The following LRP2 variants were observed in gnomAD, a reference collection of about 807,000 sequenced individuals.
LRP2 encodes LDL receptor related protein 2.
LRP2 carries 172 observed loss-of-function variants against 531.0 expected under a neutral mutation model. The observed-to-expected ratio is 0.32, with a 90% CI of 0.29 to 0.37. LRP2 has a LOEUF of 0.37. LRP2 is among the 10% of genes least tolerant of loss of function. The pLI is 1.00. For synonymous variants in LRP2, 1,992 were observed against 2,027.6 expected, an observed-to-expected ratio of 0.98 and a Z score of 0.47; for missense variants, 5,167 against 5,868.3, an observed-to-expected ratio of 0.88 and a Z score of 3.90.
At chr2:169,333,913 C>T (rs1000068269) in intron 1 of LRP2, among the ~76,000 whole-genome samples, 8 of 152,146 alleles carry the variant, frequency 5.3e-5, no homozygotes, top group Non-Finnish European at 7.3e-5. Context: ...TATCACTTCA[C>T]GTTATAATGT....
intron 38 of LRP2, 113 bp from the exon 39 acceptor site, chr2:169,207,363 G>T: frequency 1.3e-6 from 1 of 767,906 alleles, no homozygotes; most frequent in Non-Finnish European, 2.2e-6. Context: ...GTCACTATAT[G>T]TTGTCTTTTC....
chr2:169,143,043 A>C (rs191356175), intron 70 of LRP2, among the ~76,000 whole-genome samples: 1 of 152,068 alleles, frequency 6.6e-6, no homozygotes, highest in African/African-American at 2.4e-5. Flanking sequence ...GGCATCACTT[A>C]TCTTCTCTGC....
In LRP2 at chr2:169,173,985, G is replaced by T. The variant is rs766032786; in HGVS notation, c.10948C>A (p.Gln3650Lys). The T allele has an allele frequency of 1.3e-5, 21 of 1,614,076 alleles. No homozygotes were observed. The East Asian group carries it at 4.0e-4, about 31-fold the overall frequency. ...TTATCCACATCACACTTCCAGGCCT[G>T]CGGGATGCAGCGGCCATTAGCACAC... is the stretch of plus-strand genomic sequence containing the variant. Reference protein sequence around the residue: ...FRCANGRCIPQAWKCDVDNDC... With the variant: ...FRCANGRCIPKAWKCDVDNDC... Residue 3650 changes from glutamine (Q) to lysine (K), a missense_variant, in exon 56 of 79, where the codon CAG becomes AAG. Gln to Lys is a moderately conservative substitution (Grantham distance 53). This residue lies in a region of LRP2 where 311 missense variants were observed against 309.4 expected (regional missense o/e 1.01). Transcript: ENST00000649046.
intron 3 of LRP2, among the ~76,000 whole-genome samples, chr2:169,311,852 T>A (rs1684607164): frequency 6.6e-6 from 1 of 152,154 alleles, no homozygotes; most frequent in Non-Finnish European, 1.5e-5. Flanking sequence ...TTTGTAGGTC[T>A]CTAAGGACTT....
intron 50 of LRP2, chr2:169,182,746 T>G (rs1687488907): frequency 2.6e-6 from 1 of 389,500 alleles, no homozygotes; most frequent in South Asian, 1.1e-4. Context: ...AGAGAAACTC[T>G]GAATTATGAC....
intron 68 of LRP2, 105 bp downstream of exon 68, chr2:169,150,793 G>T (rs1322302349): frequency 7.0e-6 from 10 of 1,425,116 alleles, no homozygotes; most frequent in Admixed American, 5.4e-5. Context: ...AAAACTTGAA[G>T]GACAATTTCA....
chr2:169,293,154 G>A (rs1684043591), intron 6 of LRP2, among the ~76,000 whole-genome samples: 1 of 152,198 alleles, frequency 6.6e-6, no homozygotes, highest in Admixed American at 6.5e-5. Flanking sequence ...ATCAAAAGAG[G>A]TGTGGAGGGA....
intron 42 of LRP2, among the ~76,000 whole-genome samples, chr2:169,203,775 A>T (rs1688282915): frequency 6.6e-6 from 1 of 152,130 alleles, no homozygotes; most frequent in Non-Finnish European, 1.5e-5. Flanking sequence ...AATAAAAGAA[A>T]ATGCTTTCAT....
intron 16 of LRP2, among the ~76,000 whole-genome samples, chr2:169,262,859 T>C (rs1444979712): frequency 1.3e-5 from 2 of 152,082 alleles, no homozygotes; most frequent in East Asian, 1.9e-4. Flanking sequence ...TACAAGGCTA[T>C]AGTAAGCAAA....
At chr2:169,228,760 C>T (rs1689292729) in intron 31 of LRP2, among the ~76,000 whole-genome samples, 1 of 152,162 alleles carries the variant, frequency 6.6e-6, no homozygotes, top group South Asian at 2.1e-4. Context: ...GGATCTCCTG[C>T]AATGCTGCGC....
At chr2:169,310,879 G>A (rs561301274) in intron 3 of LRP2, among the ~76,000 whole-genome samples, 37 of 152,212 alleles carry the variant, frequency 2.4e-4, no homozygotes, top group African/African-American at 7.5e-4. Flanking sequence ...CAATTTCAGA[G>A]CCTGTTATTG....
At chr2:169,272,730 T>G (rs978005202) in intron 15 of LRP2, among the ~76,000 whole-genome samples, 197 bp downstream of exon 15, 1 of 152,156 alleles carries the variant, frequency 6.6e-6, no homozygotes, top group African/African-American at 2.4e-5. Flanking sequence ...AAATTTACAT[T>G]TTCAAACATA....
At position 169,213,389 on chromosome 2, in the gene LRP2, T is replaced by C. The variant is rs6718884; in HGVS notation, c.6040+268A>G. ...ATAGAAAACAGGGAGTTCTATGAAG[T>C]AAAAGCAAAGTAAGGAATTGAAAGT... On this transcript the variant is annotated intron_variant, in intron 36 of 78. Coordinates refer to ENST00000649046, the MANE Select transcript of LRP2 (RefSeq NM_004525.3). Among the ~76,000 whole-genome samples, 33,033 of 152,108 alleles carry C rather than the reference T, an allele frequency of 0.22. 5,955 individuals are homozygous for C. The highest frequency in any genetic ancestry group is 0.5 in the African/African-American group (20,801 of 41,462).
At chr2:169,141,908 C>T (rs1685733823) in intron 71 of LRP2, among the ~76,000 whole-genome samples, 1 of 152,190 alleles carries the variant, frequency 6.6e-6, no homozygotes, top group South Asian at 2.1e-4. Context: ...ACTCCTCAGC[C>T]TGTTTGGAAT....
intron 1 of LRP2, among the ~76,000 whole-genome samples, chr2:169,341,027 A>G (rs1429458770): frequency 6.6e-6 from 1 of 152,212 alleles, no homozygotes; most frequent in Non-Finnish European, 1.5e-5. Flanking sequence ...GAGATAAAAT[A>G]CATACACAAA....
At chr2:169,142,555 C>G in intron 71 of LRP2, 119 bp downstream of exon 71, 1 of 1,444,704 alleles carries the variant, frequency 6.9e-7, no homozygotes, top group Non-Finnish European at 9.6e-7. Context: ...TCCCTTAACC[C>G]TCCTTCCAGC....
chr2:169,273,155 T>G, intron 14 of LRP2, 88 bp from the exon 15 acceptor site: 1 of 1,438,618 alleles, frequency 7.0e-7, no homozygotes, highest in Non-Finnish European at 9.7e-7. Flanking sequence ...TTTTCACCTA[T>G]AGGTGAAATA....
intron 48 of LRP2, among the ~76,000 whole-genome samples, chr2:169,191,001 G>C (rs1228880455): frequency 6.6e-6 from 1 of 152,172 alleles, no homozygotes; most frequent in African/African-American, 2.4e-5. Context: ...TCAAACAATG[G>C]AACATTGCAG....
At chr2:169,179,593 G>T (rs532929501) in intron 52 of LRP2, among the ~76,000 whole-genome samples, 1 of 152,022 alleles carries the variant, frequency 6.6e-6, no homozygotes, top group Non-Finnish European at 1.5e-5. Context: ...GGTGGTGCAC[G>T]CCTGTAATAC....
Sources: allele counts gnomAD v4.1 joint callset (sites outside exome capture counted in the v4.1 genomes callset), GRCh38; gene constraint gnomAD v4.1.1; regional missense constraint gnomAD v4.1.1; transcripts MANE v1.5; gene names NCBI Gene and HGNC (gene_info 2026-07-23, HGNC 2026-07-21).